FKBP15: variants seen among roughly 807,000 people sequenced by gnomAD.
FKBP15 encodes the protein FK506-binding protein 15.
FKBP15 carries 106 observed loss-of-function variants against 158.1 expected under a neutral mutation model. The ratio of observed to expected loss-of-function variants is 0.67; its 90% CI spans 0.57 to 0.79. The LOEUF (loss-of-function observed/expected upper bound fraction) is 0.79, where lower values mean the gene tolerates loss of function less well. Ranked by LOEUF, FKBP15 falls within the 30% of genes least tolerant of loss-of-function variation. The pLI, the probability that FKBP15 is intolerant of heterozygous loss-of-function variation, is 0.00. For synonymous variants in FKBP15, 547 were observed against 548.6 expected, an observed-to-expected ratio of 1.00 and a Z score of 0.04; for missense variants, 1,287 against 1,479.1, an observed-to-expected ratio of 0.87 and a Z score of 2.13.
At chr9:113,197,226 T>C in intron 8 of FKBP15, 148 bp from the exon 9 acceptor site, 2 of 852,798 alleles carry the variant, frequency 2.3e-6, no homozygotes, top group Non-Finnish European at 3.6e-6. Context: ...CCCATGTTGG[T>C]ATAAGAATAT....
rs1283808771 is a variant in FKBP15 at position 113,169,047 on chromosome 9, G to A, written c.3485+177C>T. Among the ~76,000 whole-genome samples the A allele has an allele frequency of 2.7e-3, 165 of 61,416 alleles. 1 individual carries two copies. The Middle Eastern group carries it at 0.033, about 12-fold the overall frequency. The allele number at this position is 61,416 out of a possible 152,430, so 40.3% of individuals were successfully genotyped here. On this transcript the variant is annotated intron_variant, in intron 26 of 27. Transcript: ENST00000238256. ...CTACCACAGGGCCCGCCACACTACT[G>A]TAGGGCCCGCCACAGAGCCTTGTAC...
intron 20 of FKBP15, 92 bp from the exon 21 acceptor site, chr9:113,176,765 T>C (rs1478620307): frequency 1.4e-6 from 2 of 1,405,594 alleles, no homozygotes; most frequent in East Asian, 5.0e-5. Flanking sequence ...AATTATTTTT[T>C]GGAGACAAAG....
At position 113,213,354 on chromosome 9, in the gene FKBP15, A is replaced by G. The variant is rs1831052924; in HGVS notation, c.54-1762T>C. The stretch of plus-strand genomic sequence containing the variant: ...AACCAAGGAGGCAGATGTTGCAGTG[A>G]GCTGAGATCACGCCACTGCACTCCA... On this transcript the variant is annotated intron_variant, in intron 1 of 27. Transcript: ENST00000238256. 1.3e-5 allele frequency among the ~76,000 whole-genome samples: 2 copies of G among 151,792 alleles called. 1 individual carries two copies. The highest frequency in any genetic ancestry group is 4.2e-4 in the South Asian group (2 of 4,798).
At chr9:113,173,720 T>G in intron 22 of FKBP15, 115 bp from the exon 23 acceptor site, 2 of 1,049,076 alleles carry the variant, frequency 1.9e-6, no homozygotes, top group East Asian at 4.9e-5. Flanking sequence ...AGCCCAGATT[T>G]AACTGGGAAA....
At chr9:113,170,322 A>G (rs893671678) in intron 25 of FKBP15, among the ~76,000 whole-genome samples, 200 bp downstream of exon 25, 27 of 152,152 alleles carry the variant, frequency 1.8e-4, no homozygotes, top group Admixed American at 4.6e-4. Context: ...AGTAGAGACA[A>G]AGTCTCATTA....
chr9:113,215,371 T>TTA (rs369889245), intron 1 of FKBP15, among the ~76,000 whole-genome samples: 1 of 135,078 alleles, frequency 7.4e-6, no homozygotes, highest in Non-Finnish European at 1.6e-5. Flanking sequence ...CAAGAAGAGA[T>TTA]AAAAAAAAAA....
chr9:113,182,847 C>T lies in FKBP15; in HGVS notation c.1833G>A (p.Leu611=). 1 of 1,613,744 alleles carries T rather than the reference C, an allele frequency of 6.2e-7. No homozygotes were observed. The highest frequency in any genetic ancestry group is 8.5e-7 in the Non-Finnish European group (1 of 1,179,698). The change falls in exon 19 of 28, where the codon CTG becomes CTA. Residue 611 remains leucine, a synonymous_variant. Coordinates refer to ENST00000238256, the MANE Select transcript of FKBP15 (RefSeq NM_015258.2). ...GTGAGTTGTTCCTCTTCTCCATCAT[C>T]AGGTTACTCTGCTCAACATACCTGT... The part of the protein sequence containing the change: ...RNQRYVEQSN[L]MMEKRNNSLQ...
In FKBP15 at chr9:113,169,331, ATCTT is replaced by A. The variant is rs1564147724; in HGVS notation, c.3374_3377del (p.Lys1125MetfsTer52). 1 of 1,613,996 alleles carries A rather than the reference ATCTT, an allele frequency of 6.2e-7. No individual in the cohort carries two copies. Among genetic ancestry groups the A allele is most frequent in the Admixed American group, 1.7e-5 (1 of 60,022 alleles). ...GGGGACCGGTGGAGCTAGTGACATC[ATCTT>A]TCTTGAGCTGTGGAGGCTGAGGCTC... On this transcript the variant is annotated frameshift_variant, in exon 26 of 28. Transcript: ENST00000238256. LOFTEE classifies it high-confidence loss of function.
rs1361914734 is a variant in FKBP15 at position 113,182,758 on chromosome 9, T to G, written c.1914+8A>C. 6.2e-7 allele frequency: 1 copy of G among 1,612,346 alleles called. No individual in the cohort carries two copies. The highest frequency in any genetic ancestry group is 8.5e-7 in the Non-Finnish European group (1 of 1,178,526). ...TGACCTGGGCTTTTCTCTCCCCAGT[T>G]GCTTTACCTTCTCTTGTTCAGCATG... On this transcript the variant is annotated splice_region_variant and intron_variant, in intron 19 of 27. Coordinates refer to ENST00000238256, the MANE Select transcript of FKBP15 (RefSeq NM_015258.2).
chr9:113,162,688 C>T lies in FKBP15; in HGVS notation c.*3390G>A, dbSNP rs1221927298. The T allele has an allele frequency of 6.7e-6, 10 of 1,487,442 alleles. No homozygotes were observed. Among genetic ancestry groups the T allele is most frequent in the East Asian group, 2.3e-5 (1 of 43,328 alleles). The allele number at this position is 1,487,442 out of a possible 1,614,324, so 92.1% of individuals were successfully genotyped here. A position where few individuals can be genotyped will look rare whatever the true frequency, so the allele number is the denominator to read the frequency against. ...ACAGCTTTCTACTCCCTGATATCTA[C>T]TCCCAGCTTCCTCATTACCAGCTCA... On this transcript the variant is annotated 3_prime_UTR_variant, in exon 28 of 28. Transcript: ENST00000238256.
In FKBP15 at chr9:113,190,591, G is replaced by A. The variant is rs1267139561; in HGVS notation, c.1066-13C>T. 3 of 1,592,568 alleles carry A rather than the reference G, an allele frequency of 1.9e-6. No individual in the cohort carries two copies. The highest frequency in any genetic ancestry group is 1.7e-5 in the Admixed American group (1 of 57,208). On this transcript the variant is annotated splice_polypyrimidine_tract_variant and intron_variant, in intron 11 of 27. Coordinates refer to ENST00000238256, the MANE Select transcript of FKBP15 (RefSeq NM_015258.2). Reference sequence around the variant, plus strand: ...CTGCATCGGGACTCTAAAAAGAGAGGAAAGTCACAAAAATCACTGTGATTA... The same window carrying A: ...CTGCATCGGGACTCTAAAAAGAGAGAAAAGTCACAAAAATCACTGTGATTA...
chr9:113,221,003 A>C (rs575539189), intron 1 of FKBP15, among the ~76,000 whole-genome samples, 188 bp downstream of exon 1: 2 of 152,296 alleles, frequency 1.3e-5, no homozygotes, highest in Admixed American at 6.5e-5. Flanking sequence ...CGGGTCCCGA[A>C]CCTCAGATCG....
chr9:113,203,025 A>G lies in FKBP15; in HGVS notation c.335T>C (p.Leu112Pro). Reference protein sequence around the residue: ...GNHTAREYRILLYISQQQPVT... With the variant: ...GNHTAREYRIPLYISQQQPVT... Reference sequence around the variant, plus strand: ...TGGCTGTTGTTGACTGATATAAAGAAGAATCCTATACTGTAGACAAGCAAC... The same window carrying G: ...TGGCTGTTGTTGACTGATATAAAGAGGAATCCTATACTGTAGACAAGCAAC... Residue 112 changes from leucine to proline, a missense_variant, in exon 5 of 28, where the codon CTT (leucine) becomes CCT (proline). Physicochemically the swap from Leu to Pro is moderately conservative, Grantham distance 98. Transcript: ENST00000238256. 5 of 1,611,224 alleles carry G rather than the reference A, an allele frequency of 3.1e-6. No individual in the cohort carries two copies. The highest frequency in any genetic ancestry group is 4.2e-6 in the Non-Finnish European group (5 of 1,178,454).
At chr9:113,188,789 T>C (rs1830526009) in intron 12 of FKBP15, among the ~76,000 whole-genome samples, 1 of 152,204 alleles carries the variant, frequency 6.6e-6, no homozygotes, top group Non-Finnish European at 1.5e-5. Flanking sequence ...CTAACCACTC[T>C]TCAGAATGTA....
intron 6 of FKBP15, among the ~76,000 whole-genome samples, chr9:113,201,452 TC>T (rs1830790545): frequency 6.6e-6 from 1 of 152,328 alleles, no homozygotes; most frequent in Middle Eastern, 3.4e-3. Flanking sequence ...AATGTTTGTG[TC>T]CCCTCCGAAT....
In FKBP15 at chr9:113,162,549, G is replaced by C. The variant is rs750475131; in HGVS notation, c.*3529C>G. The C allele has an allele frequency of 4.6e-6, 2 of 437,442 alleles. No individual in the cohort carries two copies. Among genetic ancestry groups the C allele is most frequent in the Admixed American group, 5.5e-5 (1 of 18,196 alleles). The allele number at this position is 437,442 out of a possible 1,614,324, so 27.1% of individuals were successfully genotyped here. A position where few individuals can be genotyped will look rare whatever the true frequency, so the allele number is the denominator to read the frequency against. ...TTGAAACCAAATGTAGTGAAGATAT[G>C]TCTCTTTAAAAATAAATCTCGAGTT... On this transcript the variant is annotated 3_prime_UTR_variant, in exon 28 of 28. Transcript: ENST00000238256.
chr9:113,209,402 T>C (rs73655849), intron 2 of FKBP15, among the ~76,000 whole-genome samples: 2 of 152,220 alleles, frequency 1.3e-5, no homozygotes, highest in Non-Finnish European at 2.9e-5. Context: ...ACACTGCTGA[T>C]GAAGAGATGT....
At position 113,184,649 on chromosome 9, in the gene FKBP15, G is replaced by A. The variant is rs1353861767; in HGVS notation, c.1608+46C>T. ...TTACCTACAGTTCTGGCTGCTCCCT[G>A]TTTACATCCCCACTTTCAACATCAC... On this transcript the variant is annotated intron_variant, in intron 16 of 27. Coordinates refer to ENST00000238256, the MANE Select transcript of FKBP15 (RefSeq NM_015258.2). The surrounding 1 kb of genome is among the most constrained non-coding windows in gnomAD (Gnocchi z 4.5). The A allele has an allele frequency of 6.7e-7, 1 of 1,481,482 alleles. No individual in the cohort carries two copies. The highest frequency in any genetic ancestry group is 1.4e-5 in the African/African-American group (1 of 72,464). The allele number at this position is 1,481,482 out of a possible 1,614,324, so 91.8% of individuals were successfully genotyped here.
chr9:113,170,078 A>G (rs1224802176), intron 25 of FKBP15, 136 bp from the exon 26 acceptor site: 4 of 1,184,464 alleles, frequency 3.4e-6, no homozygotes, highest in Non-Finnish European at 3.4e-6. Flanking sequence ...ATATCTGTCA[A>G]GTCACTCCAG....
Sources: allele counts gnomAD v4.1 joint callset (sites outside exome capture counted in the v4.1 genomes callset), GRCh38; gene constraint gnomAD v4.1.1; non-coding constraint Gnocchi (gnomAD v3.1); transcripts MANE v1.5; gene names NCBI Gene and HGNC (gene_info 2026-07-23, HGNC 2026-07-21).